UGT3A1: variants seen among roughly 807,000 people sequenced by gnomAD.
UGT3A1 encodes the protein UDP glycosyltransferase family 3 member A1.
A neutral mutation model predicts 37.6 loss-of-function variants in UGT3A1; 40 were observed. The ratio of observed to expected loss-of-function variants is 1.06; its 90% CI spans 0.83 to 1.38. The LOEUF is 1.38. Ranked by LOEUF, UGT3A1 falls within the 40% of genes most tolerant of loss-of-function variation. The probability of loss-of-function intolerance (pLI) is 0.00; values close to 1 mark genes in which losing one functional copy is unlikely to be tolerated. For synonymous variants in UGT3A1, 256 were observed against 232.3 expected, an observed-to-expected ratio of 1.10 and a Z score of -0.93; for missense variants, 642 against 634.2, an observed-to-expected ratio of 1.01 and a Z score of -0.13.
rs76213059 is a variant in UGT3A1 at position 35,967,281 on chromosome 5, T to C, written c.311+738A>G. On this transcript the variant is annotated intron_variant, in intron 3 of 6. Coordinates refer to ENST00000274278, the MANE Select transcript of UGT3A1 (RefSeq NM_152404.4). ...AGCTTGAGTGAGGAAGCAAGCTTTA[T>C]GGAATAATTAGATTTGAGCACCACC... is the stretch of plus-strand genomic sequence containing the variant. Among the ~76,000 whole-genome samples, 671 of 152,318 alleles carry C rather than the reference T, an allele frequency of 4.4e-3. 35 individuals are homozygous for C. The East Asian group carries it at 0.12, about 27-fold the overall frequency.
intron 2 of UGT3A1, among the ~76,000 whole-genome samples, chr5:35,985,687 A>G (rs1740702331): frequency 6.6e-6 from 1 of 152,212 alleles, no homozygotes; most frequent in Non-Finnish European, 1.5e-5. Flanking sequence ...ACTGTCTCTC[A>G]CCATACAAAA....
intron 4 of UGT3A1, among the ~76,000 whole-genome samples, chr5:35,964,935 A>C (rs113672287): frequency 3.9e-5 from 6 of 152,170 alleles, no homozygotes; most frequent in African/African-American, 1.4e-4. Context: ...TGGAGATAAC[A>C]CTGTCAGTTC....
At chr5:35,975,056 C>T (rs1230386061) in intron 2 of UGT3A1, among the ~76,000 whole-genome samples, 1 of 152,194 alleles carries the variant, frequency 6.6e-6, no homozygotes, top group Non-Finnish European at 1.5e-5. Flanking sequence ...TATGTAAATG[C>T]TCACTTAAGG....
At chr5:35,980,066 G>A (rs1449447659) in intron 2 of UGT3A1, among the ~76,000 whole-genome samples, 1 of 152,134 alleles carries the variant, frequency 6.6e-6, no homozygotes, top group African/African-American at 2.4e-5. Context: ...TTCTGGTGGG[G>A]ACACAGTCAA....
rs1554074891 is a variant in UGT3A1, at chr5:35,988,486, T to C, written c.160A>G (p.Thr54Ala). The C allele has an allele frequency of 1.2e-6, 2 of 1,612,222 alleles. No individual in the cohort carries two copies. Among genetic ancestry groups the C allele is most frequent in the Non-Finnish European group, 1.7e-6 (2 of 1,179,294 alleles). Residue 54 changes from threonine to alanine, a missense_variant, in exon 2 of 7, where the codon ACT becomes GCT. Physicochemically the swap from Thr to Ala is moderately conservative, Grantham distance 58. Coordinates refer to ENST00000274278, the MANE Select transcript of UGT3A1 (RefSeq NM_152404.4). Reference sequence around the variant, plus strand: ...AACTTTCCACTCTGATGAAGCATAGTCACATTATGACCATGCTCTTGAAGA... The same window carrying C: ...AACTTTCCACTCTGATGAAGCATAGCCACATTATGACCATGCTCTTGAAGA... ...QILQEHGHNV[T>A]MLHQSGKFLI...
chr5:35,991,382 C>A lies in UGT3A1; in HGVS notation c.-142G>T. 2 of 1,478,286 alleles carry A rather than the reference C, an allele frequency of 1.4e-6. No individual in the cohort carries two copies. The highest frequency in any genetic ancestry group is 1.8e-6 in the Non-Finnish European group (2 of 1,114,098). 91.6% of individuals were successfully genotyped at this position (1,478,286 alleles called of 1,614,324 possible). ...AGGAGACGGATCCTGCCAATTCTCT[C>A]GCCCTTCTGTTCGTTCTCTTTCCCG... On this transcript the variant is annotated 5_prime_UTR_variant, in exon 1 of 7. Coordinates refer to ENST00000274278, the MANE Select transcript of UGT3A1 (RefSeq NM_152404.4).
chr5:35,980,222 G>T (rs1740465467), intron 2 of UGT3A1, among the ~76,000 whole-genome samples: 1 of 152,150 alleles, frequency 6.6e-6, no homozygotes, highest in Admixed American at 6.5e-5. Context: ...TAATAGAGCA[G>T]ATTTACCTTC....
At chr5:35,973,407 T>G (rs1740132040) in intron 2 of UGT3A1, among the ~76,000 whole-genome samples, 4 of 152,160 alleles carry the variant, frequency 2.6e-5, no homozygotes. Flanking sequence ...TAGATTGAAT[T>G]TATTGATATG....
chr5:35,974,378 G>T (rs1391663189), intron 2 of UGT3A1, among the ~76,000 whole-genome samples: 1 of 152,164 alleles, frequency 6.6e-6, no homozygotes, highest in Non-Finnish European at 1.5e-5. Context: ...CTGAAGTGTG[G>T]AGTGTAAGCT....
rs758004820 is a variant in UGT3A1 at position 35,965,798 on chromosome 5, A to G, written c.431T>C (p.Val144Ala). The G allele has an allele frequency of 6.2e-6, 10 of 1,614,088 alleles. No homozygotes were observed. Among genetic ancestry groups the G allele is most frequent in the Middle Eastern group, 1.6e-4 (1 of 6,084 alleles). ...GAAAGAACAGAAATCAAATGCTTCA[A>G]CAAATACCAGATCATAGTTCTCATT... ...LKNENYDLVFVEAFDFCSFLI... is the reference protein window; with the variant it reads ...LKNENYDLVFAEAFDFCSFLI... The change falls in exon 4 of 7, where the codon GTT becomes GCT. Residue 144 changes from valine (V) to alanine (A), a missense_variant. By Grantham distance (64) the Val-to-Ala change is moderately conservative. Transcript: ENST00000274278.
chr5:35,969,860 C>T lies in UGT3A1; in HGVS notation c.197-1727G>A, dbSNP rs1050539410. Among the ~76,000 whole-genome samples the T allele has an allele frequency of 2.6e-5, 4 of 152,070 alleles. No individual in the cohort carries two copies. The East Asian group carries it at 7.7e-4, about 29-fold the overall frequency. On this transcript the variant is annotated intron_variant, in intron 2 of 6. Transcript: ENST00000274278. ...AATATAGACGGCAAATATATATGCC[C>T]CATCTTAAGCATTGGTACTAAATAC...
At chr5:35,994,378 G>A (rs1180839493), upstream of UGT3A1, among the ~76,000 whole-genome samples, 2 of 72,854 alleles carry the variant, frequency 2.7e-5, no homozygotes, top group East Asian at 3.4e-4. Flanking sequence ...TGTGTGTTTC[G>A]GTTCTTTCCC....
chr5:35,986,692 T>C (rs1171025586), intron 2 of UGT3A1, among the ~76,000 whole-genome samples: 1 of 152,088 alleles, frequency 6.6e-6, no homozygotes, highest in Non-Finnish European at 1.5e-5. Flanking sequence ...ACAGGGGATA[T>C]GGATAGAGGT....
Position 35,957,417 on chromosome 5 carries a change from G to A in UGT3A1, c.846C>T (p.Asp282=), listed in dbSNP as rs1331416810. 1.9e-6 allele frequency: 3 copies of A among 1,612,876 alleles called. No individual in the cohort carries two copies. The highest frequency in any genetic ancestry group is 2.5e-6 in the Non-Finnish European group (3 of 1,179,486). Residue 282 remains aspartate (D), a splice_region_variant and synonymous_variant, in exon 5 of 7, where the codon GAC becomes GAT. Transcript: ENST00000274278. ...CAAAGTTGGCAATGAAGTTGTCCAAGTCCTAGAGAGAGATGACAAAAGAAA... is the reference window on the plus strand; with the variant it reads ...CAAAGTTGGCAATGAAGTTGTCCAAATCCTAGAGAGAGATGACAAAAGAAA... ...MEKPIKPVPQ[D]LDNFIANFGD...
chr5:35,955,312 A>G, intron 6 of UGT3A1: 1 of 514,574 alleles, frequency 1.9e-6, no homozygotes, highest in Non-Finnish European at 3.5e-6. Context: ...AGGTGAGAAG[A>G]GCAGGCACAC....
chr5:35,981,874 G>T (rs1412461076), intron 2 of UGT3A1, among the ~76,000 whole-genome samples: 2 of 152,238 alleles, frequency 1.3e-5, no homozygotes, highest in Admixed American at 1.3e-4. Flanking sequence ...CCTAGGAGGG[G>T]AAAATGGTTT....
chr5:35,955,858 G>T lies in UGT3A1; in HGVS notation c.1082C>A (p.Pro361His), dbSNP rs1257352638. ...ATGAGTGACAAAAAGACGGATGCTG[G>T]GGTGAGCTGTGGCAAATAAGAAAGA... ...WLPQSDLLAH[P>H]SIRLFVTHGG... is the part of the protein sequence containing the mutation. Residue 361 changes from proline (P) to histidine (H), a missense_variant, in exon 6 of 7, where the codon CCC becomes CAC. Physicochemically the swap from Pro to His is moderately conservative, Grantham distance 77. Coordinates refer to ENST00000274278, the MANE Select transcript of UGT3A1 (RefSeq NM_152404.4). 2.5e-6 allele frequency: 4 copies of T among 1,613,894 alleles called. No homozygotes were observed. The highest frequency in any genetic ancestry group is 1.7e-5 in the Admixed American group (1 of 60,024).
rs184884468 is a variant in UGT3A1, at chr5:35,972,076, C to T, written c.197-3943G>A. 7.9e-4 allele frequency among the ~76,000 whole-genome samples: 116 copies of T among 146,286 alleles called. 1 individual carries two copies. The highest frequency in any genetic ancestry group is 5.7e-3 in the South Asian group (24 of 4,216). On this transcript the variant is annotated intron_variant, in intron 2 of 6. Transcript: ENST00000274278. ...GCACCACCCTCAAGTCCAGAGCTGT[C>T]GTTCAAAGATTTTTTTCCCAGGCAG...
intron 2 of UGT3A1, among the ~76,000 whole-genome samples, chr5:35,986,509 G>T (rs899022351): frequency 6.6e-6 from 1 of 152,228 alleles, no homozygotes; most frequent in Admixed American, 6.5e-5. Context: ...TAATGAAATT[G>T]TGTCATTTAC....
Sources: gnomAD v4.1 joint callset for allele counts (sites outside exome capture counted in the v4.1 genomes callset) on GRCh38, gnomAD v4.1.1 for gene constraint, MANE v1.5 for transcripts, NCBI Gene and HGNC (gene_info 2026-07-23, HGNC 2026-07-21) for gene names.